The following CSMD1 variants were observed in gnomAD, a reference collection of about 807,000 sequenced individuals.
CSMD1 encodes the protein CUB and Sushi multiple domains 1.
CSMD1 carries 213 observed loss-of-function variants against 417.5 expected under a neutral mutation model. That is an observed-to-expected ratio of 0.51 (90% CI 0.46 to 0.57). The LOEUF (loss-of-function observed/expected upper bound fraction) is 0.57. CSMD1 is among the 20% of genes least tolerant of loss of function. The probability of loss-of-function intolerance (pLI) is 0.00; values close to 1 mark genes in which losing one functional copy is unlikely to be tolerated. For synonymous variants in CSMD1, 2,862 were observed against 1,736.8 expected (o/e 1.65, Z -16.11); for missense variants, 6,923 against 4,529.7 (o/e 1.53, Z -15.17).
intron 5 of CSMD1, among the ~76,000 whole-genome samples, chr8:3,823,424 G>T (rs1293905632): frequency 6.6e-6 from 1 of 152,066 alleles, no homozygotes; most frequent in Admixed American, 6.6e-5. Flanking sequence ...TATTTCTTAT[G>T]CAAAATTTAG....
rs555118050 is a variant in CSMD1, at chr8:3,240,751, G to C, written c.4154-10520C>G. On this transcript the variant is annotated intron_variant, in intron 26 of 69. Transcript: ENST00000635120. ...GGAGGGAGGTATCGAGGTTAGGAGA[G>C]TATATGGGTTTGGCACCACTGGGTG... Among the ~76,000 whole-genome samples, 40 of 152,240 alleles carry C rather than the reference G, an allele frequency of 2.6e-4. No homozygotes were observed. The East Asian group carries it at 2.9e-3, about 11-fold the overall frequency.
chr8:3,889,285 C>CA (rs113374509), intron 5 of CSMD1, among the ~76,000 whole-genome samples: 5 of 150,932 alleles, frequency 3.3e-5, no homozygotes, highest in African/African-American at 1.2e-4. Context: ...AAGCCATTGC[C>CA]TTTTTTTTCA....
At chr8:4,782,117 G>A (rs1035157295) in intron 1 of CSMD1, among the ~76,000 whole-genome samples, 3 of 152,168 alleles carry the variant, frequency 2.0e-5, no homozygotes, top group Admixed American at 6.5e-5. Flanking sequence ...CATTACAGTA[G>A]GGAGGAGGAA....
intron 5 of CSMD1, among the ~76,000 whole-genome samples, chr8:3,846,452 C>T (rs1803508832): frequency 6.6e-6 from 1 of 152,130 alleles, no homozygotes; most frequent in Admixed American, 6.6e-5. Context: ...ATGACAGTTA[C>T]TCAAAATAAC....
intron 1 of CSMD1, among the ~76,000 whole-genome samples, chr8:4,974,101 A>G (rs929565963): frequency 1.3e-5 from 2 of 152,170 alleles, no homozygotes; most frequent in East Asian, 1.9e-4. Flanking sequence ...GCTCACTGCA[A>G]TCTCCGCCTC....
chr8:4,818,291 G>C (rs1369769544), intron 1 of CSMD1, among the ~76,000 whole-genome samples: 1 of 151,270 alleles, frequency 6.6e-6, no homozygotes, highest in Admixed American at 6.6e-5. Flanking sequence ...GTCTAGAAAA[G>C]CTCGATGAAA....
At chr8:3,144,688 AACCAC>A (rs1818728330) in intron 40 of CSMD1, among the ~76,000 whole-genome samples, 1 of 152,002 alleles carries the variant, frequency 6.6e-6, no homozygotes, top group Admixed American at 6.6e-5. Flanking sequence ...TTTGTTGAAC[AACCAC>A]CAGTGAGCTA....
intron 3 of CSMD1, among the ~76,000 whole-genome samples, chr8:4,091,820 T>C (rs2130849569): frequency 6.6e-6 from 1 of 152,308 alleles, no homozygotes; most frequent in Middle Eastern, 3.4e-3. Context: ...GGCCTTATCC[T>C]TAAAATGGAC....
intron 41 of CSMD1, among the ~76,000 whole-genome samples, chr8:3,134,143 G>T (rs1247747836): frequency 6.6e-6 from 1 of 151,960 alleles, no homozygotes; most frequent in Admixed American, 6.6e-5. Flanking sequence ...CTGCACTCCA[G>T]CCTCTCGACA....
At chr8:3,505,550 T>C (rs532681447) in intron 10 of CSMD1, among the ~76,000 whole-genome samples, 30 of 152,294 alleles carry the variant, frequency 2.0e-4, no homozygotes, top group Non-Finnish European at 3.4e-4. Context: ...TAGGAATACG[T>C]CACCTCACAG....
At chr8:3,850,348 T>A (rs755999474) in intron 5 of CSMD1, among the ~76,000 whole-genome samples, 3 of 152,222 alleles carry the variant, frequency 2.0e-5, no homozygotes, top group Admixed American at 2.0e-4. Flanking sequence ...CTTTCTACTA[T>A]CCTTGCCTTT....
At chr8:4,965,030 GCTTTA>G (rs1278968907) in intron 1 of CSMD1, among the ~76,000 whole-genome samples, 1 of 152,144 alleles carries the variant, frequency 6.6e-6, no homozygotes, top group Non-Finnish European at 1.5e-5. Context: ...TATGCACGTT[GCTTTA>G]CTTTAAAGAA....
At chr8:4,989,805 T>G (rs552249542) in intron 1 of CSMD1, among the ~76,000 whole-genome samples, 1 of 152,340 alleles carries the variant, frequency 6.6e-6, no homozygotes, top group East Asian at 1.9e-4. Context: ...ATCGTCTGCT[T>G]ATAAGCACGA....
At chr8:4,124,888 G>C (rs780369061) in intron 3 of CSMD1, among the ~76,000 whole-genome samples, 19 of 152,126 alleles carry the variant, frequency 1.2e-4, no homozygotes, top group South Asian at 1.2e-3. Flanking sequence ...GAAAAGCGGA[G>C]GGGTTATAAG....
chr8:4,724,726 T>C (rs1451810466), intron 1 of CSMD1, among the ~76,000 whole-genome samples: 2 of 152,278 alleles, frequency 1.3e-5, no homozygotes, highest in East Asian at 3.9e-4. Context: ...GTAAGATTAA[T>C]CAACGATTAG....
chr8:4,089,560 T>A (rs1359371067), intron 3 of CSMD1, among the ~76,000 whole-genome samples: 1 of 152,182 alleles, frequency 6.6e-6, no homozygotes, highest in Non-Finnish European at 1.5e-5. Context: ...GATTCTGACT[T>A]GCATTACTTA....
At chr8:4,031,229 C>G (rs1178043816) in intron 4 of CSMD1, among the ~76,000 whole-genome samples, 1 of 152,170 alleles carries the variant, frequency 6.6e-6, no homozygotes, top group Non-Finnish European at 1.5e-5. Flanking sequence ...TGTATTAGTT[C>G]ATTTTCACAC....
intron 3 of CSMD1, among the ~76,000 whole-genome samples, chr8:4,243,520 C>A (rs1455663978): frequency 6.6e-6 from 1 of 152,118 alleles, no homozygotes; most frequent in Non-Finnish European, 1.5e-5. Context: ...GCAGGCTTAT[C>A]TTTGTAACCA....
chr8:4,129,326 G>C (rs1323043914), intron 3 of CSMD1, among the ~76,000 whole-genome samples: 1 of 152,038 alleles, frequency 6.6e-6, no homozygotes, highest in African/African-American at 2.4e-5. Context: ...TGTGGAGCCT[G>C]GGAATTCATT....
Sources: gnomAD v4.1 joint callset for allele counts (sites outside exome capture counted in the v4.1 genomes callset) on GRCh38, gnomAD v4.1.1 for gene constraint, MANE v1.5 for transcripts, NCBI Gene and HGNC (gene_info 2026-07-23, HGNC 2026-07-21) for gene names.